The following PACRG variants were observed in gnomAD, a reference collection of about 807,000 sequenced individuals.
PACRG encodes the protein parkin coregulated.
PACRG carries 29 observed loss-of-function variants against 29.7 expected under a neutral mutation model. The observed-to-expected ratio is 0.98, with a 90% CI of 0.73 to 1.33. The LOEUF (loss-of-function observed/expected upper bound fraction) is 1.33, where lower values mean the gene tolerates loss of function less well. Ranked by LOEUF, PACRG falls within the 40% of genes most tolerant of loss-of-function variation. The pLI is 0.00. For synonymous variants in PACRG, 116 were observed against 118.7 expected, an observed-to-expected ratio of 0.98 and a Z score of 0.15; for missense variants, 279 against 316.2, an observed-to-expected ratio of 0.88 and a Z score of 0.89.
chr6:163,287,077 T>A (rs550362910), intron 4 of PACRG, among the ~76,000 whole-genome samples: 4 of 152,116 alleles, frequency 2.6e-5, no homozygotes, highest in Admixed American at 2.6e-4. Flanking sequence ...ATTTTTCCCA[T>A]GCAGCAGATA....
At chr6:162,950,843 G>A (rs1396419256) in intron 2 of PACRG, among the ~76,000 whole-genome samples, 1 of 152,148 alleles carries the variant, frequency 6.6e-6, no homozygotes, top group Non-Finnish European at 1.5e-5. Context: ...AAAAAGAAAA[G>A]CCTAGACAGA....
chr6:162,990,261 G>C lies in PACRG; in HGVS notation c.292-71889G>C, dbSNP rs1421079127. ...TCATTTGGGTATATACCCAGTAATG[G>C]GATGGCTGGGTCAAATGGTATTTCT... is the stretch of plus-strand genomic sequence containing the variant. On this transcript the variant is annotated intron_variant, in intron 2 of 4. Transcript: ENST00000366888. Among the ~76,000 whole-genome samples, 4 of 151,490 alleles carry C rather than the reference G, an allele frequency of 2.6e-5. No individual in the cohort carries two copies. The South Asian group carries it at 6.2e-4, about 24-fold the overall frequency.
At chr6:163,296,815 A>C in intron 4 of PACRG, among the ~76,000 whole-genome samples, 1 of 152,220 alleles carries the variant, frequency 6.6e-6, no homozygotes, top group East Asian at 1.9e-4. Flanking sequence ...TATGAGAAAA[A>C]CCACTTTAAA....
chr6:163,117,987 A>G (rs1286255942), intron 4 of PACRG, among the ~76,000 whole-genome samples: 1 of 152,192 alleles, frequency 6.6e-6, no homozygotes, highest in African/African-American at 2.4e-5. Context: ...AGAGTGATGA[A>G]GGCTGACTTA....
At chr6:163,130,215 G>T (rs1291584805) in intron 4 of PACRG, among the ~76,000 whole-genome samples, 1 of 152,212 alleles carries the variant, frequency 6.6e-6, no homozygotes, top group African/African-American at 2.4e-5. Context: ...TGGAATGAAG[G>T]TGGCTGCACT....
intron 4 of PACRG, among the ~76,000 whole-genome samples, chr6:163,309,064 C>T (rs1052518965): frequency 6.6e-6 from 1 of 152,118 alleles, no homozygotes; most frequent in African/African-American, 2.4e-5. Context: ...GTTGCTTCAG[C>T]GAGATTACCT....
At chr6:162,893,682 G>A (rs371843854) in intron 2 of PACRG, among the ~76,000 whole-genome samples, 27 of 152,242 alleles carry the variant, frequency 1.8e-4, no homozygotes, top group African/African-American at 6.3e-4. Flanking sequence ...AATGGAAGTC[G>A]ACACCATCGA....
At chr6:163,185,757 C>T (rs1483202739) in intron 4 of PACRG, among the ~76,000 whole-genome samples, 1 of 152,138 alleles carries the variant, frequency 6.6e-6, no homozygotes, top group Non-Finnish European at 1.5e-5. Flanking sequence ...AAATTAAATG[C>T]TCTTTATTTC....
At chr6:163,124,134 T>G (rs1816420057) in intron 4 of PACRG, among the ~76,000 whole-genome samples, 1 of 152,244 alleles carries the variant, frequency 6.6e-6, no homozygotes, top group Non-Finnish European at 1.5e-5. Flanking sequence ...GTTGTAATTG[T>G]GTTTTTTGGG....
intron 2 of PACRG, among the ~76,000 whole-genome samples, chr6:162,873,646 C>T (rs1793018214): frequency 6.6e-6 from 1 of 152,008 alleles, no homozygotes; most frequent in Non-Finnish European, 1.5e-5. Flanking sequence ...CTCTTAGAGC[C>T]CAACTAGATC....
chr6:163,159,671 G>A (rs1304337206), intron 4 of PACRG, among the ~76,000 whole-genome samples: 2 of 152,124 alleles, frequency 1.3e-5, no homozygotes, highest in Admixed American at 1.3e-4. Flanking sequence ...GGGTGACATT[G>A]ACCCAATTAC....
At chr6:162,912,853 A>G (rs1796401529) in intron 2 of PACRG, among the ~76,000 whole-genome samples, 1 of 151,816 alleles carries the variant, frequency 6.6e-6, no homozygotes, top group Non-Finnish European at 1.5e-5. Context: ...TACAGGCATG[A>G]GCCACTGCAC....
intron 2 of PACRG, among the ~76,000 whole-genome samples, chr6:162,967,321 T>C (rs78516258): frequency 0.16 from 23,662 of 152,094 alleles, 3,227 homozygotes; most frequent in African/African-American, 0.36. Context: ...TCTTACACTT[T>C]TATTTCCTAT....
chr6:163,271,044 C>T (rs1783805764), intron 4 of PACRG, among the ~76,000 whole-genome samples: 1 of 152,120 alleles, frequency 6.6e-6, no homozygotes, highest in African/African-American at 2.4e-5. Flanking sequence ...GTCCCAAAAC[C>T]TTAAAAGTAG....
At chr6:163,136,783 G>GA (rs1816952835) in intron 4 of PACRG, among the ~76,000 whole-genome samples, 1 of 152,108 alleles carries the variant, frequency 6.6e-6, no homozygotes, top group Non-Finnish European at 1.5e-5. Flanking sequence ...TATACACTTG[G>GA]TTTTGAATAA....
At chr6:163,270,693 CCAAATACAATATGGG>C (rs1458911802) in intron 4 of PACRG, among the ~76,000 whole-genome samples, 1 of 151,710 alleles carries the variant, frequency 6.6e-6, no homozygotes, top group East Asian at 1.9e-4. Flanking sequence ...TTTTTAAAGC[CCAAATACAATATGGG>C]CAAATATAAC....
At chr6:162,740,602 C>A (rs1330250015) in intron 1 of PACRG, among the ~76,000 whole-genome samples, 1 of 91,516 alleles carries the variant, frequency 1.1e-5, no homozygotes, top group Non-Finnish European at 2.0e-5. Flanking sequence ...CAGGCATGAG[C>A]CACTTTTTTT....
At chr6:162,992,074 A>T (rs1803478541) in intron 2 of PACRG, among the ~76,000 whole-genome samples, 1 of 143,044 alleles carries the variant, frequency 7.0e-6, no homozygotes, top group Non-Finnish European at 1.5e-5. Flanking sequence ...CCAGCCTTTC[A>T]TCCCAGGGAT....
chr6:162,738,210 C>G (rs1780313648), intron 1 of PACRG, among the ~76,000 whole-genome samples: 1 of 151,964 alleles, frequency 6.6e-6, no homozygotes, highest in Admixed American at 6.6e-5. Context: ...TTCGTATATC[C>G]TATAGATAGA....
Sources: allele counts gnomAD v4.1 joint callset (sites outside exome capture counted in the v4.1 genomes callset), GRCh38; gene constraint gnomAD v4.1.1; transcripts MANE v1.5; gene names NCBI Gene and HGNC (gene_info 2026-07-23, HGNC 2026-07-21).